The following SLC39A8 variants were observed in gnomAD, a reference collection of about 807,000 sequenced individuals.
The protein encoded by SLC39A8 is solute carrier family 39 member 8.
A neutral mutation model predicts 40.4 loss-of-function variants in SLC39A8; 15 were observed. That is an observed-to-expected ratio of 0.37 (90% CI 0.25 to 0.57). The LOEUF (loss-of-function observed/expected upper bound fraction) is 0.57. Ranked by LOEUF, SLC39A8 falls within the 20% of genes least tolerant of loss-of-function variation. The pLI is 0.75. For synonymous variants in SLC39A8, 223 were observed against 221.6 expected (o/e 1.01, Z -0.06); for missense variants, 472 against 558.8 (o/e 0.84, Z 1.57).
rs17032479 is a variant in SLC39A8 at position 102,292,690 on chromosome 4, T to C, written c.840+11627A>G. ...TATTCCGTCATTGAAATAGAGGACT[T>C]TGTGGCTTTGCATCTATACATAATG... On this transcript the variant is annotated intron_variant, in intron 6 of 8. Transcript: ENST00000356736. Among the ~76,000 whole-genome samples, 1,274 of 152,152 alleles carry C rather than the reference T, an allele frequency of 8.4e-3. 22 individuals carry two copies. Among genetic ancestry groups the C allele is most frequent in the African/African-American group, 0.029 (1,221 of 41,554 alleles).
At chr4:102,335,380 C>T (rs1164860848) in intron 2 of SLC39A8, among the ~76,000 whole-genome samples, 3 of 152,146 alleles carry the variant, frequency 2.0e-5, no homozygotes, top group Admixed American at 6.5e-5. Context: ...ATACATCTCT[C>T]ACTTCTTCCA....
At chr4:102,290,994 A>G (rs887310872) in intron 6 of SLC39A8, among the ~76,000 whole-genome samples, 1 of 151,856 alleles carries the variant, frequency 6.6e-6, no homozygotes, top group Non-Finnish European at 1.5e-5. Flanking sequence ...TATCCCTACC[A>G]TGACTTCCAT....
rs369593435 is a variant in SLC39A8 at position 102,319,645 on chromosome 4, C to G, written c.220-3815G>C. ...CCCCTCCCCACTCCTACCCCTGCTC[C>G]TCCTTGGCTGTAAATCCCTACTTGT... is the stretch of plus-strand genomic sequence containing the variant. On this transcript the variant is annotated intron_variant, in intron 2 of 8. Coordinates refer to ENST00000356736, the MANE Select transcript of SLC39A8 (RefSeq NM_001135146.2). 2.1e-4 allele frequency among the ~76,000 whole-genome samples: 32 copies of G among 152,178 alleles called. No homozygotes were observed. In the East Asian group the frequency reaches 4.1e-3, roughly 19 times the overall value.
At chr4:102,344,403 C>T in intron 2 of SLC39A8, 41 bp downstream of exon 2, 1 of 1,381,710 alleles carries the variant, frequency 7.2e-7, no homozygotes, top group Non-Finnish European at 9.6e-7. Context: ...AGTCTAGGGA[C>T]ACCCACAGTA....
At chr4:102,296,838 A>C (rs375119601) in intron 6 of SLC39A8, among the ~76,000 whole-genome samples, 19 of 152,172 alleles carry the variant, frequency 1.2e-4, no homozygotes, top group African/African-American at 4.3e-4. Context: ...CAGGGAGGGG[A>C]GGGGCTCCAG....
At chr4:102,327,543 C>G (rs908023850) in intron 2 of SLC39A8, among the ~76,000 whole-genome samples, 1 of 152,180 alleles carries the variant, frequency 6.6e-6, no homozygotes, top group East Asian at 1.9e-4. Context: ...TATTGCTATA[C>G]CCATCCCTTC....
chr4:102,316,408 T>C (rs1050290134), intron 2 of SLC39A8, among the ~76,000 whole-genome samples: 6 of 152,332 alleles, frequency 3.9e-5, no homozygotes, highest in African/African-American at 1.4e-4. Context: ...TGACGTTGGG[T>C]AACTTTTCTA....
intron 6 of SLC39A8, among the ~76,000 whole-genome samples, chr4:102,278,208 A>C: frequency 6.6e-6 from 1 of 152,234 alleles, no homozygotes; most frequent in Admixed American, 6.5e-5. Flanking sequence ...CAACCTACAG[A>C]ATGGGAGAAA....
In SLC39A8 at chr4:102,344,828, C is replaced by G; in HGVS notation, c.-166G>C. The G allele has an allele frequency of 7.6e-7, 1 of 1,320,188 alleles. No homozygotes were observed. The highest frequency in any genetic ancestry group is 9.6e-7 in the Non-Finnish European group (1 of 1,040,044). 81.8% of individuals were successfully genotyped at this position (1,320,188 alleles called of 1,614,324 possible). ...TGGTTCTCCGACGCCTTCGAAAGAA[C>G]AGCAGCTCGCGACCTGCGGGGCATT... On this transcript the variant is annotated 5_prime_UTR_variant, in exon 2 of 9. Coordinates refer to ENST00000356736, the MANE Select transcript of SLC39A8 (RefSeq NM_001135146.2).
rs115039144 is a variant in SLC39A8, at chr4:102,322,811, A to G, written c.220-6981T>C. ...GGTTGTATTCTCTCTGTGGAGGTAA[A>G]GGCAGGGAGACACAGATTTTTGTAA... On this transcript the variant is annotated intron_variant, in intron 2 of 8. Coordinates refer to ENST00000356736, the MANE Select transcript of SLC39A8 (RefSeq NM_001135146.2). Among the ~76,000 whole-genome samples, 1,187 of 152,286 alleles carry G rather than the reference A, an allele frequency of 7.8e-3. 9 individuals carry two copies. Among genetic ancestry groups the G allele is most frequent in the South Asian group, 0.014 (66 of 4,822 alleles).
chr4:102,272,558 G>T (rs989580448), intron 6 of SLC39A8, among the ~76,000 whole-genome samples: 9 of 152,096 alleles, frequency 5.9e-5, no homozygotes, highest in Non-Finnish European at 4.4e-5. Context: ...CACTCCAGCT[G>T]GGCGACAGAG....
chr4:102,293,515 A>C (rs1344518341), intron 6 of SLC39A8, among the ~76,000 whole-genome samples: 2 of 152,066 alleles, frequency 1.3e-5, no homozygotes, highest in South Asian at 2.1e-4. Context: ...GGGAGAATTC[A>C]GCACTACTGC....
intron 11 of SLC39A8, among the ~76,000 whole-genome samples, chr4:102,255,464 C>T (rs985597978): frequency 1.2e-4 from 19 of 152,132 alleles, no homozygotes; most frequent in African/African-American, 3.9e-4. Flanking sequence ...CTCATTTTCC[C>T]GGGTTTCTCC....
chr4:102,287,012 G>A (rs1733212344), intron 6 of SLC39A8, among the ~76,000 whole-genome samples: 1 of 152,138 alleles, frequency 6.6e-6, no homozygotes. Context: ...ACTTGAGGGA[G>A]TCACTGTACT....
rs931802711 is a variant in SLC39A8, at chr4:102,253,316, G to A, written c.*413C>T. On this transcript the variant is annotated 3_prime_UTR_variant and NMD_transcript_variant, in exon 12 of 12. Coordinates refer to the SLC39A8 transcript ENST00000424970. ...AACTTCACAGCACACACAGCATCAC[G>A]TCTCAATGGTCATAACTATGTCATA... 1.4e-4 allele frequency: 83 copies of A among 602,730 alleles called. No homozygotes were observed. In the East Asian group the frequency reaches 1.5e-3, roughly 11 times the overall value. The allele number at this position is 602,730 out of a possible 1,614,324, so 37.3% of individuals were successfully genotyped here. A position where few individuals can be genotyped will look rare whatever the true frequency, so the allele number is the denominator to read the frequency against.
intron 2 of SLC39A8, among the ~76,000 whole-genome samples, chr4:102,335,326 C>G (rs1020664592): frequency 2.0e-5 from 3 of 152,138 alleles, no homozygotes; most frequent in Non-Finnish European, 2.9e-5. Context: ...TTTTACTGTT[C>G]GCTGAAGTTC....
At chr4:102,283,630 T>G (rs1159492279) in intron 6 of SLC39A8, among the ~76,000 whole-genome samples, 1 of 136,714 alleles carries the variant, frequency 7.3e-6, no homozygotes, top group Non-Finnish European at 1.7e-5. Flanking sequence ...CTACATATAA[T>G]CTACTGTTTA....
intron 8 of SLC39A8, 81 bp downstream of exon 8, chr4:102,267,409 G>C: frequency 7.6e-7 from 1 of 1,322,396 alleles, no homozygotes; most frequent in Non-Finnish European, 1.0e-6. Flanking sequence ...AAAGCAGAAG[G>C]CCACCCTTAG....
chr4:102,302,320 A>G (rs552940593), intron 6 of SLC39A8, among the ~76,000 whole-genome samples: 1 of 152,134 alleles, frequency 6.6e-6, no homozygotes, highest in South Asian at 2.1e-4. Context: ...AATTAGCAAT[A>G]TAGCTGACTG....
Sources: gnomAD v4.1 joint callset for allele counts (sites outside exome capture counted in the v4.1 genomes callset) on GRCh38, gnomAD v4.1.1 for gene constraint, MANE v1.5 for transcripts, NCBI Gene and HGNC (gene_info 2026-07-23, HGNC 2026-07-21) for gene names.